Variants in ATP1A4 observed in about 807,000 individuals in gnomAD.
ATP1A4 encodes the protein ATPase Na+/K+ transporting subunit alpha 4.
Under a neutral mutation model 114.3 loss-of-function variants are expected in ATP1A4, and 90 were observed. The ratio of observed to expected loss-of-function variants is 0.79; its 90% CI spans 0.66 to 0.94. The LOEUF (loss-of-function observed/expected upper bound fraction) is 0.94. ATP1A4 is among the 40% of genes least tolerant of loss of function. The pLI is 0.00. For synonymous variants in ATP1A4, 511 were observed against 494.1 expected (o/e 1.03, Z -0.45); for missense variants, 1,222 against 1,313.6 (o/e 0.93, Z 1.08).
rs759708447 is a variant in ATP1A4, at chr1:160,167,400, C to A, written c.1479C>A (p.Thr493=). The change falls in exon 10 of 22, where the codon ACC becomes ACA. Residue 493 remains threonine (T), a synonymous_variant. Coordinates refer to ENST00000368081, the MANE Select transcript of ATP1A4 (RefSeq NM_144699.4). ...PKVAEIPFNS[T]NKYQMSIHLR... ...TGGCAGAGATTCCCTTTAATTCTACCAACAAGTACCAGGTACAGAACCCAC... is the reference window on the plus strand; with the variant it reads ...TGGCAGAGATTCCCTTTAATTCTACAAACAAGTACCAGGTACAGAACCCAC... The A allele has an allele frequency of 6.2e-7, 1 of 1,612,404 alleles. No individual in the cohort carries two copies. Among genetic ancestry groups the A allele is most frequent in the African/African-American group, 1.3e-5 (1 of 74,750 alleles).
intron 18 of ATP1A4, among the ~76,000 whole-genome samples, chr1:160,179,465 G>A (rs1199103050): frequency 6.6e-6 from 1 of 152,204 alleles, no homozygotes; most frequent in Non-Finnish European, 1.5e-5. Context: ...ATCTTGAAGT[G>A]TCACAAAAAT....
At chr1:160,182,141 G>A in intron 20 of ATP1A4, 110 bp downstream of exon 20, 1 of 833,290 alleles carries the variant, frequency 1.2e-6, no homozygotes, top group South Asian at 1.4e-5. Flanking sequence ...CTGGATACAT[G>A]GAGCTACATG....
intron 2 of ATP1A4, among the ~76,000 whole-genome samples, chr1:160,154,810 G>C (rs989387633): frequency 5.9e-5 from 9 of 152,108 alleles, no homozygotes; most frequent in African/African-American, 1.9e-4. Flanking sequence ...GTTCAAAAAG[G>C]TTTGTGAATC....
intron 10 of ATP1A4, among the ~76,000 whole-genome samples, chr1:160,168,986 A>G (rs1247015979): frequency 6.6e-6 from 1 of 151,954 alleles, no homozygotes; most frequent in Non-Finnish European, 1.5e-5. Context: ...TATTCACAAC[A>G]TTTGTTGGGG....
intron 16 of ATP1A4, 116 bp from the exon 17 acceptor site, chr1:160,176,363 G>A (rs575732098): frequency 5.9e-5 from 93 of 1,582,738 alleles, no homozygotes; most frequent in East Asian, 5.6e-4. Context: ...TCCAGCTCTC[G>A]CACCTCCTGC....
At chr1:160,174,774 A>T (rs1653402908) in intron 15 of ATP1A4, 27 bp downstream of exon 15, 2 of 1,612,972 alleles carry the variant, frequency 1.2e-6, no homozygotes, top group Non-Finnish European at 1.7e-6. Context: ...CCCATGGTGG[A>T]GACTTCAACC....
chr1:160,181,371 G>A (rs1349798421), intron 18 of ATP1A4, among the ~76,000 whole-genome samples: 1 of 151,960 alleles, frequency 6.6e-6, no homozygotes, highest in African/African-American at 2.4e-5. Context: ...TGGCCAATAT[G>A]GTGAAACCCC....
At chr1:160,163,593 G>A (rs1290782057) in intron 6 of ATP1A4, among the ~76,000 whole-genome samples, 1 of 152,204 alleles carries the variant, frequency 6.6e-6, no homozygotes, top group African/African-American at 2.4e-5. Context: ...GAGCATGGAG[G>A]AGCGTCTGTG....
Position 160,177,520 on chromosome 1 carries a change from G to A in ATP1A4, c.2592G>A (p.Gly864=). The part of the protein sequence containing the change: ...RLIGMAYGQI[G]MIQALAGFFT... The stretch of plus-strand genomic sequence containing the variant: ...GTCCTGCAACTCTGTCATTCACAGG[G>A]ATGATCCAGGCTCTGGCTGGATTCT... The change falls in exon 18 of 22, where the codon GGG becomes GGA. Residue 864 remains glycine, a splice_region_variant and synonymous_variant. Transcript: ENST00000368081. 6.2e-7 allele frequency: 1 copy of A among 1,613,968 alleles called. No homozygotes were observed. Among genetic ancestry groups the A allele is most frequent in the Non-Finnish European group, 8.5e-7 (1 of 1,179,974 alleles).
Position 160,176,212 on chromosome 1 carries a change from T to C in ATP1A4, c.2432T>C (p.Ile811Thr). The change falls in exon 16 of 22, where the codon ATA becomes ACA. Residue 811 changes from isoleucine to threonine, a missense_variant. By Grantham distance (89) the Ile-to-Thr change is moderately conservative. Transcript: ENST00000368081. ...GGTATACCCCTGCCTCTGGGAACCA[T>C]AACCATCCTCTGCATTGATCTCGGC... is the stretch of plus-strand genomic sequence containing the variant. Reference protein sequence around the residue: ...ILGIPLPLGTITILCIDLGTD... With the variant: ...ILGIPLPLGTTTILCIDLGTD... 6.2e-7 allele frequency: 1 copy of C among 1,614,102 alleles called. No individual in the cohort carries two copies. Among genetic ancestry groups the C allele is most frequent in the Non-Finnish European group, 8.5e-7 (1 of 1,180,008 alleles).
intron 4 of ATP1A4, among the ~76,000 whole-genome samples, chr1:160,158,467 T>C (rs948261423): frequency 2.0e-5 from 3 of 151,686 alleles, no homozygotes; most frequent in African/African-American, 7.3e-5. Flanking sequence ...GCCTTAACCT[T>C]CTGGGCTCAA....
chr1:160,153,129 A>T (rs1652515236), intron 1 of ATP1A4, 36 bp from the exon 2 acceptor site: 2 of 1,592,944 alleles, frequency 1.3e-6, no homozygotes, highest in East Asian at 2.2e-5. Flanking sequence ...GACCTGGGCC[A>T]CCCCCTGTCC....
chr1:160,186,086 C>CGAAAAAAAAAAAAA (rs1218192452), intron 20 of ATP1A4, among the ~76,000 whole-genome samples, 190 bp from the exon 21 acceptor site: 5 of 32,790 alleles, frequency 1.5e-4, no homozygotes, highest in Non-Finnish European at 5.1e-5. Flanking sequence ...GACTCTGTCG[C>CGAAAAAAAAAAAAA]AAAAAAAAAA....
chr1:160,155,461 T>C (rs1275995971), intron 3 of ATP1A4, among the ~76,000 whole-genome samples: 2 of 152,160 alleles, frequency 1.3e-5, no homozygotes, highest in African/African-American at 4.8e-5. Context: ...GTAATGAATG[T>C]AATTAATTAT....
chr1:160,158,741 G>A lies in ATP1A4; in HGVS notation c.526-261G>A, dbSNP rs138170309. ...CATTCTATGGGCCAAAGCAAGTCAC[G>A]TGGTCAAGCCCAGGTTTAGGGGTAG... On this transcript the variant is annotated intron_variant, in intron 4 of 21. Transcript: ENST00000368081. 5.3e-5 allele frequency among the ~76,000 whole-genome samples: 8 copies of A among 152,268 alleles called. No individual in the cohort carries two copies. The East Asian group carries it at 5.8e-4, about 11-fold the overall frequency.
intron 6 of ATP1A4, 53 bp downstream of exon 6, chr1:160,159,579 A>G (rs1386596235): frequency 6.8e-7 from 1 of 1,478,520 alleles, no homozygotes; most frequent in African/African-American, 1.4e-5. Flanking sequence ...CCAAAACATA[A>G]AGATTTTAAT....
intron 1 of ATP1A4, among the ~76,000 whole-genome samples, chr1:160,152,699 C>T (rs1470773866): frequency 2.6e-5 from 4 of 152,092 alleles, no homozygotes; most frequent in African/African-American, 7.2e-5. Flanking sequence ...TTCTCTGGCC[C>T]GAACCCCCGT....
At chr1:160,181,835 C>CA in intron 19 of ATP1A4, 21 bp downstream of exon 19, 1 of 1,486,928 alleles carries the variant, frequency 6.7e-7, no homozygotes, top group Non-Finnish European at 8.9e-7. Flanking sequence ...CACAAAACAG[C>CA]CCAGCACTCT....
At chr1:160,162,023 T>C (rs186432320) in intron 6 of ATP1A4, among the ~76,000 whole-genome samples, 7 of 152,324 alleles carry the variant, frequency 4.6e-5, no homozygotes, top group Non-Finnish European at 7.4e-5. Context: ...GCCTATGATG[T>C]ACCTAACCTT....
Sources: allele counts gnomAD v4.1 joint callset (sites outside exome capture counted in the v4.1 genomes callset), GRCh38; gene constraint gnomAD v4.1.1; transcripts MANE v1.5; gene names NCBI Gene and HGNC (gene_info 2026-07-23, HGNC 2026-07-21).